ZNF346: variants seen among roughly 807,000 people sequenced by gnomAD.
ZNF346 encodes the protein double-stranded RNA-binding zinc finger protein JAZ.
In ZNF346, 23 loss-of-function variants were observed where a neutral mutation model predicts 33.7. That is an observed-to-expected ratio of 0.68 (90% CI 0.49 to 0.97). The LOEUF (loss-of-function observed/expected upper bound fraction) is 0.97. Ranked by LOEUF, ZNF346 falls within the 50% of genes least tolerant of loss-of-function variation. The pLI is 0.00. For synonymous variants in ZNF346, 134 were observed against 142.4 expected, an observed-to-expected ratio of 0.94 and a Z score of 0.42; for missense variants, 340 against 371.1, an observed-to-expected ratio of 0.92 and a Z score of 0.69.
At chr5:177,048,975 T>C (rs1443382448) in intron 4 of ZNF346, among the ~76,000 whole-genome samples, 3 of 151,766 alleles carry the variant, frequency 2.0e-5, no homozygotes, top group African/African-American at 7.3e-5. Context: ...TAGTAGAGAC[T>C]GAGTTTCACC....
At chr5:177,062,589 A>C (rs1040984367) in intron 6 of ZNF346, among the ~76,000 whole-genome samples, 1 of 145,672 alleles carries the variant, frequency 6.9e-6, no homozygotes, top group Non-Finnish European at 1.5e-5. Context: ...AGACAGACCC[A>C]GTCTCTGCTC....
intron 1 of ZNF346, among the ~76,000 whole-genome samples, chr5:177,040,506 G>C (rs909589185): frequency 6.6e-6 from 1 of 151,974 alleles, no homozygotes; most frequent in Non-Finnish European, 1.5e-5. Context: ...CACCACACCT[G>C]GCTAATTTTT....
chr5:177,028,078 G>A (rs750481142), intron 1 of ZNF346, among the ~76,000 whole-genome samples: 27 of 117,590 alleles, frequency 2.3e-4, no homozygotes, highest in South Asian at 8.3e-4. Flanking sequence ...TTTTTGAGAC[G>A]GGGTCTTGCC....
intron 5 of ZNF346, among the ~76,000 whole-genome samples, chr5:177,060,392 ACG>A (rs1782339897): frequency 6.6e-6 from 1 of 151,506 alleles, no homozygotes; most frequent in African/African-American, 2.4e-5. Flanking sequence ...GTGGTGGTGC[ACG>A]CCTGTAATGC....
intron 1 of ZNF346, among the ~76,000 whole-genome samples, chr5:177,035,677 G>A (rs1344093255): frequency 2.2e-5 from 3 of 134,470 alleles, no homozygotes; most frequent in Non-Finnish European, 3.1e-5. Context: ...ACTGTGTCGC[G>A]CAGGCTGGAG....
intron 1 of ZNF346, among the ~76,000 whole-genome samples, chr5:177,035,367 A>T (rs1344287411): frequency 6.6e-6 from 1 of 152,036 alleles, no homozygotes; most frequent in Non-Finnish European, 1.5e-5. Flanking sequence ...AATCTTTTGC[A>T]CCCTGGAGAG....
intron 4 of ZNF346, among the ~76,000 whole-genome samples, 185 bp downstream of exon 4, chr5:177,044,718 C>T (rs1779807619): frequency 6.6e-6 from 1 of 152,310 alleles, no homozygotes; most frequent in East Asian, 1.9e-4. Flanking sequence ...TTATGCTCAC[C>T]TAACCTCCCT....
At chr5:177,068,057 C>CT (rs1783324176), downstream of ZNF346, among the ~76,000 whole-genome samples, 230 of 119,364 alleles carry the variant, frequency 1.9e-3, 9 homozygotes, top group African/African-American at 9.6e-3. Context: ...AGAGTAGAAT[C>CT]CAGTTCTCTA....
intron 1 of ZNF346, among the ~76,000 whole-genome samples, chr5:177,024,327 A>G (rs1776432224): frequency 6.6e-6 from 1 of 150,470 alleles, no homozygotes; most frequent in African/African-American, 2.5e-5. Flanking sequence ...CCTCCGGAGT[A>G]GCTGGGATTA....
At chr5:177,078,985 T>C (rs917420100) in intron 8 of ZNF346, among the ~76,000 whole-genome samples, 4 of 150,304 alleles carry the variant, frequency 2.7e-5, no homozygotes, top group African/African-American at 7.4e-5. Flanking sequence ...AGAAGTCATT[T>C]TGGGGCCAGG....
downstream of ZNF346, among the ~76,000 whole-genome samples, chr5:177,068,806 C>T (rs775675732): frequency 9.1e-5 from 13 of 143,304 alleles, 3 homozygotes; most frequent in South Asian, 2.2e-4. Context: ...ACAAAAACAA[C>T]TGTGCACTAT....
At chr5:177,054,675 A>G (rs1781432387) in intron 5 of ZNF346, among the ~76,000 whole-genome samples, 1 of 152,194 alleles carries the variant, frequency 6.6e-6, no homozygotes, top group Non-Finnish European at 1.5e-5. Context: ...CTGGGATTAC[A>G]GGCGTGAGCC....
rs201073523 is a variant in ZNF346, at chr5:177,022,922, G to A, written c.175+9G>A. 1.1e-4 allele frequency: 159 copies of A among 1,461,848 alleles called. No individual in the cohort carries two copies. The highest frequency in any genetic ancestry group is 1.4e-4 in the Non-Finnish European group (151 of 1,107,388). 90.6% of individuals were successfully genotyped at this position (1,461,848 alleles called of 1,614,324 possible). A position where few individuals can be genotyped will look rare whatever the true frequency, so the allele number is the denominator to read the frequency against. On this transcript the variant is annotated intron_variant, in intron 1 of 6. Transcript: ENST00000358149. ...GGTGGGTAGAGAGGAAGGTGAGTCGGGGGCTTTGGAGGCAGAAAGCCCCTC... is the reference window on the plus strand; with the variant it reads ...GGTGGGTAGAGAGGAAGGTGAGTCGAGGGCTTTGGAGGCAGAAAGCCCCTC...
At chr5:177,073,039 T>C (rs1409222939) in intron 8 of ZNF346, among the ~76,000 whole-genome samples, 1 of 152,242 alleles carries the variant, frequency 6.6e-6, no homozygotes, top group Non-Finnish European at 1.5e-5. Context: ...TGGCTGCCCT[T>C]TGTGTTCCCA....
rs1451730308 is a variant in ZNF346, at chr5:177,066,785, G to C, written c.*2186G>C. Among the ~76,000 whole-genome samples the C allele has an allele frequency of 2.6e-5, 4 of 151,730 alleles. No homozygotes were observed. The highest frequency in any genetic ancestry group is 5.9e-5 in the Non-Finnish European group (4 of 67,950). On this transcript the variant is annotated 3_prime_UTR_variant, in exon 7 of 7. Coordinates refer to ENST00000358149, the MANE Select transcript of ZNF346 (RefSeq NM_012279.4). ...ATAAAAATAAATTTGAAGGCTGGGC[G>C]CCGTGGCTCACGCCTGTAATCCAAG...
At chr5:177,037,003 C>G (rs6881260) in intron 1 of ZNF346, among the ~76,000 whole-genome samples, 19,967 of 152,038 alleles carry the variant, frequency 0.13, 3,089 homozygotes, top group African/African-American at 0.37. Context: ...CTGTTCTTAC[C>G]TGAAGTTCAG....
intron 3 of ZNF346, among the ~76,000 whole-genome samples, chr5:177,043,753 G>T (rs187778748): frequency 1.5e-3 from 228 of 151,768 alleles, no homozygotes; most frequent in African/African-American, 5.2e-3. Flanking sequence ...AACAGAGTGA[G>T]ACCCTGTCTT....
At chr5:177,060,250 C>T (rs1358443960) in intron 5 of ZNF346, among the ~76,000 whole-genome samples, 4 of 152,226 alleles carry the variant, frequency 2.6e-5, no homozygotes, top group African/African-American at 4.8e-5. Context: ...TGGCCAGGCA[C>T]GGCGGCTCAC....
rs536308650 is a variant in ZNF346, at chr5:177,028,414, CTGATTTGAG to C, written c.175+5511_175+5519del. Among the ~76,000 whole-genome samples the C allele has an allele frequency of 4.5e-4, 66 of 147,602 alleles. No homozygotes were observed. The East Asian group carries it at 0.011, about 24-fold the overall frequency. The stretch of plus-strand genomic sequence containing the variant: ...GTTTCTAAGGTAAGATCTTATGTTG[CTGATTTGAG>C]TGATTTGAGATCCTTCTTTTCTGAT... On this transcript the variant is annotated intron_variant, in intron 1 of 6. Transcript: ENST00000358149.
Sources: gnomAD v4.1 joint callset for allele counts (sites outside exome capture counted in the v4.1 genomes callset) on GRCh38, gnomAD v4.1.1 for gene constraint, MANE v1.5 for transcripts, NCBI Gene and HGNC (gene_info 2026-07-23, HGNC 2026-07-21) for gene names.